WWOX: variants seen among roughly 807,000 people sequenced by gnomAD.
The protein encoded by WWOX is WW domain containing oxidoreductase.
WWOX carries 69 observed loss-of-function variants against 46.2 expected under a neutral mutation model. That is an observed-to-expected ratio of 1.49 (90% CI 1.23 to 1.82). The LOEUF (loss-of-function observed/expected upper bound fraction) is 1.82. Among genes scored for constraint, WWOX ranks in the 40% most tolerant of loss-of-function variants. The probability of loss-of-function intolerance (pLI) is 0.00; values close to 1 mark genes in which losing one functional copy is unlikely to be tolerated. For synonymous variants in WWOX, 359 were observed against 202.6 expected (o/e 1.77, Z -6.56); for missense variants, 919 against 542.6 (o/e 1.69, Z -6.89).
chr16:78,806,089 T>A (rs2051029046), intron 8 of WWOX, among the ~76,000 whole-genome samples: 1 of 152,220 alleles, frequency 6.6e-6, no homozygotes, highest in Non-Finnish European at 1.5e-5. Context: ...TATAATCCCA[T>A]AAATCTAAAC....
chr16:78,353,073 A>T (rs1325720783), intron 5 of WWOX, among the ~76,000 whole-genome samples: 1 of 152,040 alleles, frequency 6.6e-6, no homozygotes, highest in Non-Finnish European at 1.5e-5. Context: ...AGATTTTTGT[A>T]TGAGGAATAA....
intron 8 of WWOX, among the ~76,000 whole-genome samples, chr16:78,817,126 T>C (rs371362129): frequency 4.7e-5 from 7 of 149,158 alleles, no homozygotes; most frequent in Admixed American, 4.0e-4. Context: ...GAAAAGTTGC[T>C]TAAACATTTT....
intron 8 of WWOX, among the ~76,000 whole-genome samples, chr16:78,880,859 C>G (rs1314503700): frequency 6.6e-6 from 1 of 152,106 alleles, no homozygotes; most frequent in Admixed American, 6.6e-5. Flanking sequence ...CAGAGAAATG[C>G]TCTGCCTTCT....
chr16:78,539,479 A>G (rs148201141), intron 8 of WWOX, among the ~76,000 whole-genome samples: 146 of 152,364 alleles, frequency 9.6e-4, no homozygotes, highest in Middle Eastern at 3.4e-3. Context: ...GCAATTCTGC[A>G]TCGATAAAAA....
At chr16:79,094,090 C>T (rs1416663955) in intron 8 of WWOX, among the ~76,000 whole-genome samples, 1 of 152,138 alleles carries the variant, frequency 6.6e-6, no homozygotes, top group Admixed American at 6.5e-5. Flanking sequence ...AGCACTCATC[C>T]CACCTCCTCA....
intron 5 of WWOX, among the ~76,000 whole-genome samples, chr16:78,322,175 G>A (rs1383216371): frequency 6.6e-6 from 1 of 152,068 alleles, no homozygotes; most frequent in Non-Finnish European, 1.5e-5. Flanking sequence ...GGGAAGACAA[G>A]GACAAACAAT....
At chr16:79,111,302 C>T (rs1446023760) in intron 8 of WWOX, among the ~76,000 whole-genome samples, 1 of 152,200 alleles carries the variant, frequency 6.6e-6, no homozygotes, top group African/African-American at 2.4e-5. Context: ...CTCATTGTTT[C>T]TCTGTCATGT....
intron 8 of WWOX, among the ~76,000 whole-genome samples, chr16:78,447,654 T>G (rs529466829): frequency 1.3e-5 from 2 of 152,212 alleles, no homozygotes; most frequent in Admixed American, 6.5e-5. Context: ...AGTGGACATT[T>G]ACTCGAGAAA....
At chr16:78,627,880 C>T (rs2046345572) in intron 8 of WWOX, among the ~76,000 whole-genome samples, 1 of 152,208 alleles carries the variant, frequency 6.6e-6, no homozygotes, top group South Asian at 2.1e-4. Flanking sequence ...TCAAGAGAGG[C>T]AAGAATCCCG....
intron 8 of WWOX, among the ~76,000 whole-genome samples, chr16:78,576,357 C>T (rs1410418946): frequency 3.3e-5 from 5 of 152,146 alleles, no homozygotes; most frequent in African/African-American, 1.2e-4. Flanking sequence ...TGAAGTTCAC[C>T]TCCCAAAAGA....
intron 8 of WWOX, among the ~76,000 whole-genome samples, chr16:78,676,338 C>G (rs147099354): frequency 1.6e-4 from 24 of 152,176 alleles, no homozygotes; most frequent in African/African-American, 5.3e-4. Flanking sequence ...CTGCATTGCC[C>G]TCCATTCAGA....
intron 5 of WWOX, among the ~76,000 whole-genome samples, chr16:78,170,121 T>C (rs571307921): frequency 3.9e-5 from 6 of 152,144 alleles, no homozygotes; most frequent in South Asian, 2.1e-4. Context: ...GACCCAAGTA[T>C]GTTTGTGGCA....
intron 8 of WWOX, among the ~76,000 whole-genome samples, chr16:78,575,054 T>TAA (rs2044836071): frequency 6.5e-5 from 1 of 15,462 alleles, no homozygotes. Context: ...TATATATATA[T>TAA]ATATATATAT....
At chr16:78,735,445 C>G (rs192800504) in intron 8 of WWOX, among the ~76,000 whole-genome samples, 1 of 141,880 alleles carries the variant, frequency 7.0e-6, no homozygotes, top group Non-Finnish European at 1.5e-5. Context: ...TTCTGATTCT[C>G]TGGAGAACCC....
In WWOX at chr16:78,519,876, C is replaced by G. The variant is rs1193349259; in HGVS notation, c.1056+87124C>G. Among the ~76,000 whole-genome samples the G allele has an allele frequency of 2.0e-5, 3 of 152,302 alleles. No homozygotes were observed. The South Asian group carries it at 6.2e-4, about 32-fold the overall frequency. ...AATAAATTTGTTACTCATAAGCCAC[C>G]TAAGTTATACTATTTTGGGATCGCA... On this transcript the variant is annotated intron_variant, in intron 8 of 8. Transcript: ENST00000566780.
At chr16:78,985,025 G>T (rs1422353417) in intron 8 of WWOX, among the ~76,000 whole-genome samples, 1 of 152,124 alleles carries the variant, frequency 6.6e-6, no homozygotes. Flanking sequence ...TCCAAGTGTT[G>T]CTGAGTCCCT....
At chr16:78,194,023 G>A (rs1035055054) in intron 5 of WWOX, among the ~76,000 whole-genome samples, 5 of 151,132 alleles carry the variant, frequency 3.3e-5, no homozygotes, top group South Asian at 2.1e-4. Context: ...GACTACAGGC[G>A]CCCACCACCG....
intron 8 of WWOX, among the ~76,000 whole-genome samples, chr16:79,064,467 T>C (rs562143277): frequency 2.0e-5 from 3 of 152,196 alleles, no homozygotes; most frequent in Non-Finnish European, 4.4e-5. Context: ...AACCCATGCG[T>C]CGTCATCATC....
At chr16:78,834,763 A>G (rs1015329677) in intron 8 of WWOX, among the ~76,000 whole-genome samples, 1 of 152,198 alleles carries the variant, frequency 6.6e-6, no homozygotes, top group African/African-American at 2.4e-5. Context: ...TAACTTCAGG[A>G]TGTTGCGTAT....
Sources: gnomAD v4.1 joint callset for allele counts (sites outside exome capture counted in the v4.1 genomes callset) on GRCh38, gnomAD v4.1.1 for gene constraint, MANE v1.5 for transcripts, NCBI Gene and HGNC (gene_info 2026-07-23, HGNC 2026-07-21) for gene names.